Variants in CDH9 observed in about 807,000 individuals in gnomAD.
CDH9 encodes the protein cadherin-9.
A neutral mutation model predicts 70.9 loss-of-function variants in CDH9; 28 were observed. The observed-to-expected ratio is 0.40, with a 90% confidence interval of 0.29 to 0.54. The LOEUF (loss-of-function observed/expected upper bound fraction) is 0.54, where lower values mean the gene tolerates loss of function less well. Among genes scored for constraint, CDH9 ranks in the 20% least tolerant of loss-of-function variants. The probability of loss-of-function intolerance (pLI) is 0.59; values close to 1 mark genes in which losing one functional copy is unlikely to be tolerated. For missense variants in CDH9, 874 were observed against 984.4 expected (o/e 0.89, Z 1.50); for synonymous variants, 409 against 343.1 (o/e 1.19, Z -2.12).
chr5:26,933,739 C>G (rs1741506538), intron 2 of CDH9, among the ~76,000 whole-genome samples: 1 of 151,520 alleles, frequency 6.6e-6, no homozygotes, highest in Non-Finnish European at 1.5e-5. Flanking sequence ...GAGATCAAGC[C>G]ACTGCACTCC....
Position 26,944,042 on chromosome 5 carries a change from A to G in CDH9, c.229-28118T>C, listed in dbSNP as rs553017120. Among the ~76,000 whole-genome samples, 270 of 152,240 alleles carry G rather than the reference A, an allele frequency of 1.8e-3. 9 individuals carry two copies. In the South Asian group the frequency reaches 0.055, roughly 31 times the overall value. On this transcript the variant is annotated intron_variant, in intron 2 of 11. Transcript: ENST00000231021. Reference sequence around the variant, plus strand: ...TCTCTCATTCTTATTGATCATATCTACCATGTTTCCTGTTATTTTTGCTTT... The same window carrying G: ...TCTCTCATTCTTATTGATCATATCTGCCATGTTTCCTGTTATTTTTGCTTT...
intron 3 of CDH9, among the ~76,000 whole-genome samples, chr5:26,908,983 A>G (rs1006484190): frequency 6.6e-6 from 1 of 152,176 alleles, no homozygotes; most frequent in South Asian, 2.1e-4. Flanking sequence ...TATGTTTTAT[A>G]TTAATTTTTG....
chr5:26,975,448 A>AAAC (rs1173894330), intron 2 of CDH9, among the ~76,000 whole-genome samples: 2 of 152,216 alleles, frequency 1.3e-5, no homozygotes, highest in Non-Finnish European at 2.9e-5. Context: ...TAATGAATTG[A>AAAC]AACATGAACT....
chr5:26,907,858 G>A (rs1740977327), intron 3 of CDH9, among the ~76,000 whole-genome samples: 1 of 152,018 alleles, frequency 6.6e-6, no homozygotes, highest in Admixed American at 6.6e-5. Flanking sequence ...TTGAAAATAG[G>A]AGGAATTCCA....
At chr5:27,001,730 T>C (rs1742772045) in intron 1 of CDH9, among the ~76,000 whole-genome samples, 1 of 151,952 alleles carries the variant, frequency 6.6e-6, no homozygotes, top group Non-Finnish European at 1.5e-5. Context: ...TCCATCAAAA[T>C]GAATCAGGAT....
chr5:27,030,191 T>C (rs1181038187), intron 1 of CDH9, among the ~76,000 whole-genome samples: 1 of 151,946 alleles, frequency 6.6e-6, no homozygotes, highest in African/African-American at 2.4e-5. Context: ...TCTTCGTGAA[T>C]TGTGACCTTG....
intron 1 of CDH9, among the ~76,000 whole-genome samples, chr5:27,027,445 A>G (rs568342248): frequency 6.6e-6 from 1 of 152,108 alleles, no homozygotes; most frequent in South Asian, 2.1e-4. Context: ...AACCATAACC[A>G]TCTTAAGAAT....
intron 1 of CDH9, among the ~76,000 whole-genome samples, chr5:27,006,572 T>A (rs1742868713): frequency 1.3e-5 from 2 of 152,130 alleles, no homozygotes; most frequent in Admixed American, 1.3e-4. Context: ...CCGGTGTTTC[T>A]TCAGGGCCAG....
intron 1 of CDH9, among the ~76,000 whole-genome samples, chr5:27,027,103 CTT>C (rs1466478814): frequency 6.6e-6 from 1 of 151,926 alleles, no homozygotes; most frequent in Non-Finnish European, 1.5e-5. Flanking sequence ...ACTTAAAAGA[CTT>C]TCATCATTCA....
Position 26,902,626 on chromosome 5 carries a change from G to A in CDH9, c.1103C>T (p.Ala368Val). 6.2e-7 allele frequency: 1 copy of A among 1,600,864 alleles called. No individual in the cohort carries two copies. Among genetic ancestry groups the A allele is most frequent in the Non-Finnish European group, 8.6e-7 (1 of 1,168,250 alleles). Residue 368 changes from alanine (A) to valine (V), a missense_variant, in exon 7 of 12, where the codon GCT becomes GTT. Physicochemically the swap from Ala to Val is moderately conservative, Grantham distance 64 (BLOSUM62 0). Coordinates refer to ENST00000231021, the MANE Select transcript of CDH9 (RefSeq NM_016279.4). ...FLHLGPFKDT[A>V]VVKISVEDID... ...ATCTTCCACAGATATTTTGACCACA[G>A]CTGTATCTTTGAAAGGTCCCAGGTG...
chr5:27,025,398 G>T (rs558998690), intron 1 of CDH9, among the ~76,000 whole-genome samples: 1 of 152,106 alleles, frequency 6.6e-6, no homozygotes, highest in East Asian at 1.9e-4. Flanking sequence ...AATAACTGGA[G>T]ACCAATCAGA....
intron 2 of CDH9, among the ~76,000 whole-genome samples, chr5:26,983,245 T>C (rs1327442304): frequency 6.6e-6 from 1 of 152,152 alleles, no homozygotes; most frequent in Non-Finnish European, 1.5e-5. Context: ...GGTTACAAAG[T>C]TATGGGGACA....
chr5:26,994,287 G>A (rs1045896732), intron 1 of CDH9, among the ~76,000 whole-genome samples: 2 of 152,084 alleles, frequency 1.3e-5, no homozygotes, highest in African/African-American at 2.4e-5. Context: ...AAATGAATGT[G>A]TTTTATATGT....
chr5:26,958,464 C>A (rs2112057062), intron 2 of CDH9, among the ~76,000 whole-genome samples: 1 of 152,310 alleles, frequency 6.6e-6, no homozygotes, highest in East Asian at 1.9e-4. Flanking sequence ...TAAAGTCTGT[C>A]ATTCCACAGG....
At position 26,881,166 on chromosome 5, in the gene CDH9, C is replaced by T. The variant is rs750535278; in HGVS notation, c.2340G>A (p.Met780Ile). 6 of 1,612,350 alleles carry T rather than the reference C, an allele frequency of 3.7e-6. No individual in the cohort carries two copies. In the East Asian group the frequency reaches 1.1e-4, roughly 30 times the overall value. ...WGPRFKKLADMYGGDDSDRD is the reference protein window; with the variant it reads ...WGPRFKKLADIYGGDDSDRD ...CTCGGTCACTATCATCACCCCCATACATATCGGCAAGTTTTTTGAAACGAG... is the reference window on the plus strand; with the variant it reads ...CTCGGTCACTATCATCACCCCCATATATATCGGCAAGTTTTTTGAAACGAG... Residue 780 changes from methionine to isoleucine, a missense_variant, in exon 12 of 12, where the codon ATG becomes ATA. Physicochemically the swap from Met to Ile is conservative, Grantham distance 10 (BLOSUM62 1). Coordinates refer to ENST00000231021, the MANE Select transcript of CDH9 (RefSeq NM_016279.4).
chr5:26,928,031 C>A (rs1741376001), intron 2 of CDH9, among the ~76,000 whole-genome samples: 2 of 152,094 alleles, frequency 1.3e-5, no homozygotes, highest in Admixed American at 6.6e-5. Flanking sequence ...ACTCCTTTTT[C>A]ACTTTCTGTA....
chr5:26,921,107 G>A (rs1031933420), intron 2 of CDH9, among the ~76,000 whole-genome samples: 1 of 152,082 alleles, frequency 6.6e-6, no homozygotes, highest in Non-Finnish European at 1.5e-5. Flanking sequence ...AGAGTAGGCA[G>A]ATAGCTAGAC....
intron 3 of CDH9, among the ~76,000 whole-genome samples, chr5:26,914,693 A>G (rs1741117782): frequency 6.6e-6 from 1 of 152,054 alleles, no homozygotes; most frequent in African/African-American, 2.4e-5. Flanking sequence ...GTAAAGGTGG[A>G]TAAGTTTGTT....
chr5:26,947,246 T>C (rs1741770626), intron 2 of CDH9, among the ~76,000 whole-genome samples: 1 of 152,296 alleles, frequency 6.6e-6, no homozygotes, highest in Non-Finnish European at 1.5e-5. Context: ...GAAATTTGTT[T>C]ACACAAATTC....
Sources: gnomAD v4.1 joint callset for allele counts (sites outside exome capture counted in the v4.1 genomes callset) on GRCh38, gnomAD v4.1.1 for gene constraint, MANE v1.5 for transcripts, NCBI Gene and HGNC (gene_info 2026-07-23, HGNC 2026-07-21) for gene names.